RABGAP1L: variants seen among roughly 807,000 people sequenced by gnomAD.
RABGAP1L encodes RAB GTPase activating protein 1 like, also known as rab GTPase-activating protein 1-like.
A neutral mutation model predicts 137.7 loss-of-function variants in RABGAP1L; 63 were observed. The observed-to-expected ratio is 0.46, with a 90% CI of 0.37 to 0.56. RABGAP1L has a LOEUF of 0.56. Among genes scored for constraint, RABGAP1L ranks in the 20% least tolerant of loss-of-function variants. RABGAP1L has a pLI of 0.00. For synonymous variants in RABGAP1L, 431 were observed against 433.7 expected, an observed-to-expected ratio of 0.99 and a Z score of 0.08; for missense variants, 1,095 against 1,244.0, an observed-to-expected ratio of 0.88 and a Z score of 1.80.
At chr1:174,843,510 G>A (rs1441097479) in intron 19 of RABGAP1L, among the ~76,000 whole-genome samples, 1 of 145,204 alleles carries the variant, frequency 6.9e-6, no homozygotes, top group Admixed American at 7.0e-5. Context: ...AGTTTACTGA[G>A]AATGATGGTT....
At chr1:174,308,135 C>G (rs1348268945) in intron 11 of RABGAP1L, among the ~76,000 whole-genome samples, 1 of 151,652 alleles carries the variant, frequency 6.6e-6, no homozygotes, top group Non-Finnish European at 1.5e-5. Flanking sequence ...CTATTTAGGT[C>G]CCCTGTCCAT....
At chr1:174,765,714 A>G (rs766036836) in intron 18 of RABGAP1L, among the ~76,000 whole-genome samples, 4 of 151,950 alleles carry the variant, frequency 2.6e-5, no homozygotes, top group Non-Finnish European at 5.9e-5. Flanking sequence ...TTCATTTTCT[A>G]GATAATGTCC....
At chr1:174,898,087 G>C (rs1657542349) in intron 19 of RABGAP1L, 1 of 151,908 alleles carries the variant, frequency 6.6e-6, no homozygotes, top group Non-Finnish European at 1.5e-5. Context: ...ATACGAACAA[G>C]TTGAGACGAA....
chr1:174,295,683 C>CTT lies in RABGAP1L; in HGVS notation c.1324-9289_1324-9288dup, dbSNP rs375647532. Among the ~76,000 whole-genome samples the CTT allele has an allele frequency of 6.3e-3, 876 of 140,068 alleles. 11 individuals carry two copies. Among genetic ancestry groups the CTT allele is most frequent in the African/African-American group, 0.022 (839 of 38,172 alleles). 91.9% of individuals were successfully genotyped at this position (140,068 alleles called of 152,430 possible). On this transcript the variant is annotated intron_variant, in intron 10 of 25. Transcript: ENST00000681986. ...ACAGGCATGAGCCACCGCAGCCAGC[C>CTT]TTTTTTTTTTTTTTTGGTAGCAGTG...
At chr1:174,669,044 A>G (rs1676987866) in intron 14 of RABGAP1L, among the ~76,000 whole-genome samples, 1 of 152,148 alleles carries the variant, frequency 6.6e-6, no homozygotes, top group South Asian at 2.1e-4. Flanking sequence ...ACACTGCTAT[A>G]AAGAACTGCC....
chr1:174,920,644 G>A (rs952169561), intron 19 of RABGAP1L, among the ~76,000 whole-genome samples: 13 of 152,160 alleles, frequency 8.5e-5, no homozygotes, highest in African/African-American at 2.9e-4. Context: ...ATATTTAGAG[G>A]TAGGGTCTTT....
At chr1:174,261,431 G>A (rs1429509767) in intron 7 of RABGAP1L, among the ~76,000 whole-genome samples, 1 of 152,036 alleles carries the variant, frequency 6.6e-6, no homozygotes, top group Non-Finnish European at 1.5e-5. Context: ...TGTGCTTGCC[G>A]GCTTGCAGCA....
At chr1:174,725,004 G>C (rs1161580168) in intron 17 of RABGAP1L, among the ~76,000 whole-genome samples, 1 of 152,176 alleles carries the variant, frequency 6.6e-6, no homozygotes, top group Non-Finnish European at 1.5e-5. Context: ...CCAAGAGGTA[G>C]GTAGGACCCA....
chr1:174,740,706 A>G (rs562447090), intron 17 of RABGAP1L, among the ~76,000 whole-genome samples: 22 of 152,250 alleles, frequency 1.4e-4, no homozygotes, highest in Non-Finnish European at 2.6e-4. Flanking sequence ...AACAGTGTAT[A>G]TGAGTTCCCT....
intron 13 of RABGAP1L, among the ~76,000 whole-genome samples, chr1:174,584,593 A>G (rs1021355449): frequency 1.3e-5 from 2 of 152,206 alleles, no homozygotes; most frequent in African/African-American, 4.8e-5. Flanking sequence ...GCTAGGTGAC[A>G]GAGTGAGCTT....
chr1:174,907,087 A>T (rs1292840927), intron 19 of RABGAP1L, among the ~76,000 whole-genome samples: 4 of 151,550 alleles, frequency 2.6e-5, no homozygotes, highest in Non-Finnish European at 4.4e-5. Flanking sequence ...AAAAAAAAAA[A>T]GTTTTCAAGA....
intron 11 of RABGAP1L, among the ~76,000 whole-genome samples, chr1:174,348,578 T>C (rs931587302): frequency 7.0e-6 from 1 of 143,778 alleles, no homozygotes; most frequent in Admixed American, 6.9e-5. Context: ...CAAAGGTCTC[T>C]GGTTTTCCTA....
intron 13 of RABGAP1L, among the ~76,000 whole-genome samples, chr1:174,437,037 A>G (rs567645567): frequency 2.7e-3 from 407 of 152,396 alleles, no homozygotes; most frequent in Non-Finnish European, 4.8e-3. Context: ...ACTAACAAAC[A>G]GAAAGGACAT....
intron 11 of RABGAP1L, among the ~76,000 whole-genome samples, chr1:174,355,422 G>A (rs367904608): frequency 3.2e-4 from 47 of 145,096 alleles, no homozygotes; most frequent in East Asian, 8.0e-4. Context: ...ATGAGAACAC[G>A]TGGACACAGG....
chr1:174,413,002 A>G (rs1216455517), intron 13 of RABGAP1L, among the ~76,000 whole-genome samples: 1 of 151,978 alleles, frequency 6.6e-6, no homozygotes. Context: ...CTGGATGTCT[A>G]CCTCTCTAGC....
intron 13 of RABGAP1L, among the ~76,000 whole-genome samples, chr1:174,416,035 T>TATATATACACACATATAC (rs943543276): frequency 3.6e-5 from 3 of 83,800 alleles, no homozygotes; most frequent in African/African-American, 2.1e-4. Context: ...TATATATATA[T>TATATATACACACATATAC]ACACACACAT....
At chr1:174,799,915 C>T in intron 18 of RABGAP1L, 1 of 988,244 alleles carries the variant, frequency 1.0e-6, no homozygotes, top group Non-Finnish European at 1.2e-6. Flanking sequence ...TAGACACGCA[C>T]ACACACCCTT....
intron 18 of RABGAP1L, among the ~76,000 whole-genome samples, chr1:174,773,183 T>TGTGTGTGTGTGTG (rs1558063939): frequency 2.7e-5 from 4 of 145,662 alleles, no homozygotes; most frequent in Non-Finnish European, 3.1e-5. Context: ...TGTGTGTGTG[T>TGTGTGTGTGTGTG]TTATTTTAAA....
chr1:174,215,036 A>G (rs1669180855), intron 1 of RABGAP1L, among the ~76,000 whole-genome samples: 1 of 152,232 alleles, frequency 6.6e-6, no homozygotes, highest in African/African-American at 2.4e-5. Context: ...AAAACAATCA[A>G]CAAAGTGAAG....
Sources: gnomAD v4.1 joint callset for allele counts (sites outside exome capture counted in the v4.1 genomes callset) on GRCh38, gnomAD v4.1.1 for gene constraint, MANE v1.5 for transcripts, NCBI Gene and HGNC (gene_info 2026-07-23, HGNC 2026-07-21) for gene names.